The following MALRD1 variants were observed in gnomAD, a reference collection of about 807,000 sequenced individuals.
MALRD1 encodes the protein MAM and LDL receptor class A domain containing 1.
Under a neutral mutation model 242.1 loss-of-function variants are expected in MALRD1, and 247 were observed. The observed-to-expected ratio is 1.02, with a 90% confidence interval of 0.92 to 1.13. MALRD1 has a LOEUF of 1.13. Ranked by LOEUF, MALRD1 falls within the 50% of genes most tolerant of loss-of-function variation. The pLI, the probability that MALRD1 is intolerant of heterozygous loss-of-function variation, is 0.00. For synonymous variants in MALRD1, 995 were observed against 866.6 expected, an observed-to-expected ratio of 1.15 and a Z score of -2.60; for missense variants, 2,989 against 2,533.1, an observed-to-expected ratio of 1.18 and a Z score of -3.86.
At chr10:19,116,195 A>G (rs937519320) in intron 5 of MALRD1, among the ~76,000 whole-genome samples, 11 of 152,216 alleles carry the variant, frequency 7.2e-5, no homozygotes, top group Admixed American at 5.2e-4. Context: ...TGATTCTTGA[A>G]TAACACTGAT....
chr10:19,531,236 AG>A lies in MALRD1; in HGVS notation c.5365del (p.Glu1789LysfsTer28). 6.4e-7 allele frequency: 1 copy of A among 1,550,448 alleles called. No homozygotes were observed. The highest frequency in any genetic ancestry group is 8.7e-7 in the Non-Finnish European group (1 of 1,146,878). ...HFLYVNSSGSKEGSVARITTS... is the reference protein window; with the variant it reads ...HFLYVNSSGSXEGSVARITTS... ...CTGTACGTCAACTCATCTGGCTCCA[AG>A]GAAGGATCCGTTGCCAGAATTACTA... On this transcript the variant is annotated frameshift_variant, in exon 32 of 40. Coordinates refer to ENST00000454679, the MANE Select transcript of MALRD1 (RefSeq NM_001142308.3). LOFTEE classifies it high-confidence loss of function.
intron 32 of MALRD1, among the ~76,000 whole-genome samples, chr10:19,539,912 GCGCACA>G (rs769363567): frequency 2.6e-5 from 3 of 115,564 alleles, no homozygotes; most frequent in African/African-American, 6.8e-5. Flanking sequence ...GCGCGCGTGC[GCGCACA>G]CACGCGCAGT....
intron 19 of MALRD1, among the ~76,000 whole-genome samples, chr10:19,275,211 T>G (rs913481725): frequency 1.3e-5 from 2 of 152,208 alleles, no homozygotes; most frequent in Non-Finnish European, 2.9e-5. Flanking sequence ...TATGAATGTT[T>G]AAAGTTATTC....
chr10:19,442,319 C>T (rs1834711446), intron 28 of MALRD1, among the ~76,000 whole-genome samples: 1 of 152,080 alleles, frequency 6.6e-6, no homozygotes, highest in Non-Finnish European at 1.5e-5. Flanking sequence ...ATTGAATACC[C>T]TTTATTTCTT....
At position 19,314,852 on chromosome 10, in the gene MALRD1, G is replaced by A. The variant is rs183123746; in HGVS notation, c.3420-9097G>A. On this transcript the variant is annotated intron_variant, in intron 21 of 39. Coordinates refer to ENST00000454679, the MANE Select transcript of MALRD1 (RefSeq NM_001142308.3). Reference sequence around the variant, plus strand: ...GACCCCAGTTGTAGACCAGCGCAACGTGAAGTGCCGGTCTCTTGATCGTTA... The same window carrying A: ...GACCCCAGTTGTAGACCAGCGCAACATGAAGTGCCGGTCTCTTGATCGTTA... 3.0e-3 allele frequency among the ~76,000 whole-genome samples: 452 copies of A among 151,222 alleles called. 3 individuals carry two copies. Among genetic ancestry groups the A allele is most frequent in the African/African-American group, 0.01 (414 of 41,364 alleles).
chr10:19,698,694 C>G (rs1833484663), intron 38 of MALRD1, among the ~76,000 whole-genome samples: 2 of 152,070 alleles, frequency 1.3e-5, no homozygotes, highest in African/African-American at 4.8e-5. Flanking sequence ...AAAACAGGTG[C>G]AAAATCTACA....
chr10:19,370,454 T>C (rs1845324613), intron 26 of MALRD1, among the ~76,000 whole-genome samples: 1 of 150,952 alleles, frequency 6.6e-6, no homozygotes, highest in Admixed American at 6.6e-5. Flanking sequence ...AAAAAAATTG[T>C]CTCTACTTTA....
chr10:19,711,811 G>T (rs906076735), intron 38 of MALRD1, among the ~76,000 whole-genome samples: 1 of 152,192 alleles, frequency 6.6e-6, no homozygotes, highest in African/African-American at 2.4e-5. Flanking sequence ...TTTTAATGGG[G>T]TTCTGTAGCC....
chr10:19,521,381 T>C (rs941425751), intron 31 of MALRD1, among the ~76,000 whole-genome samples: 1 of 152,092 alleles, frequency 6.6e-6, no homozygotes, highest in Non-Finnish European at 1.5e-5. Context: ...CAGTTCTCTC[T>C]GATCTTAACC....
intron 14 of MALRD1, among the ~76,000 whole-genome samples, chr10:19,196,814 T>A (rs372443569): frequency 4.6e-5 from 7 of 152,136 alleles, no homozygotes; most frequent in Non-Finnish European, 8.8e-5. Flanking sequence ...GGTTAAAGAC[T>A]TTGAAATCAT....
intron 4 of MALRD1, 83 bp downstream of exon 4, chr10:19,088,268 C>T (rs1300349058): frequency 8.6e-7 from 1 of 1,157,000 alleles, no homozygotes; most frequent in African/African-American, 1.6e-5. Context: ...AAAAGTAAGG[C>T]AACTGTCCCA....
In MALRD1 at chr10:19,607,815, T is replaced by G; in HGVS notation, c.5983T>G (p.Ser1995Ala). The G allele has an allele frequency of 6.5e-7, 1 of 1,549,776 alleles. No individual in the cohort carries two copies. Among genetic ancestry groups the G allele is most frequent in the African/African-American group, 1.4e-5 (1 of 73,054 alleles). The change falls in exon 35 of 40, where the codon TCC becomes GCC. Residue 1995 changes from serine to alanine, a missense_variant. Coordinates refer to ENST00000454679, the MANE Select transcript of MALRD1 (RefSeq NM_001142308.3). ...TTCTAATGGAGCTCTGGTGTGTGCC[T>G]CCTCCAACAGCTGTATCCCAGCCCA... ...SCSNGALVCA[S>A]SNSCIPAHQR...
chr10:19,209,634 G>C lies in MALRD1; in HGVS notation c.2945G>C (p.Arg982Thr), dbSNP rs1836951420. The C allele has an allele frequency of 1.9e-6, 3 of 1,550,930 alleles. No homozygotes were observed. The highest frequency in any genetic ancestry group is 2.6e-6 in the Non-Finnish European group (3 of 1,147,080). Residue 982 changes from arginine to threonine, a missense_variant, in exon 18 of 40, where the codon AGA becomes ACA. Arg to Thr is a moderately conservative substitution (Grantham distance 71, BLOSUM62 -1). Transcript: ENST00000454679. ...CAGATATTTGGGAATCAAGGCAACA[G>C]ATGGATTAGGAAACACCTCAACATT... ...LWQIFGNQGN[R>T]WIRKHLNISS...
chr10:19,642,070 C>T (rs899411369), intron 36 of MALRD1, among the ~76,000 whole-genome samples: 2 of 152,136 alleles, frequency 1.3e-5, no homozygotes, highest in Admixed American at 6.5e-5. Context: ...ACATTACAAA[C>T]TCAACCCCAA....
chr10:19,733,245 C>T (rs1248043942), intron 39 of MALRD1, among the ~76,000 whole-genome samples: 1 of 152,168 alleles, frequency 6.6e-6, no homozygotes, highest in East Asian at 1.9e-4. Context: ...TGCCACGTGC[C>T]CATCAGCCAG....
At position 19,211,526 on chromosome 10, in the gene MALRD1, C is replaced by T. The variant is rs2782323; in HGVS notation, c.2991+1846C>T. On this transcript the variant is annotated intron_variant, in intron 18 of 39. Coordinates refer to ENST00000454679, the MANE Select transcript of MALRD1 (RefSeq NM_001142308.3). Reference sequence around the variant, plus strand: ...TGGGCAACAAGGCAAAACCTCATCTCTACTAAAAATAGAAAACAATTAGCC... The same window carrying T: ...TGGGCAACAAGGCAAAACCTCATCTTTACTAAAAATAGAAAACAATTAGCC... 1.3e-5 allele frequency among the ~76,000 whole-genome samples: 2 copies of T among 151,224 alleles called. 1 individual carries two copies. The highest frequency in any genetic ancestry group is 1.3e-4 in the Admixed American group (2 of 15,156).
At chr10:19,399,501 G>T (rs2130848296) in intron 28 of MALRD1, among the ~76,000 whole-genome samples, 1 of 152,274 alleles carries the variant, frequency 6.6e-6, no homozygotes, top group Admixed American at 6.5e-5. Context: ...TCAGTGGGCT[G>T]ATTGTTCTAA....
intron 14 of MALRD1, among the ~76,000 whole-genome samples, chr10:19,189,287 C>A (rs1282944645): frequency 6.6e-6 from 1 of 152,058 alleles, no homozygotes; most frequent in Non-Finnish European, 1.5e-5. Context: ...AATGGACCTA[C>A]AACTAGCAAA....
rs1265230478 is a variant in MALRD1 at position 19,464,947 on chromosome 10, AATTTTTTTTT to A, written c.5029+14458_5029+14467del. 3.1e-4 allele frequency among the ~76,000 whole-genome samples: 25 copies of A among 81,030 alleles called. No homozygotes were observed. The South Asian group carries it at 0.016, about 53-fold the overall frequency. The allele number at this position is 81,030 out of a possible 152,430, so 53.2% of individuals were successfully genotyped here. Reference sequence around the variant, plus strand: ...CACCTCCTTGGTTAGGTATAATTCCAATTTTTTTTTTTTTTTTTTTTGCAGCTCTTGTAAA... The same window carrying A: ...CACCTCCTTGGTTAGGTATAATTCCATTTTTTTTTTTGCAGCTCTTGTAAA... On this transcript the variant is annotated intron_variant, in intron 29 of 39. Coordinates refer to ENST00000454679, the MANE Select transcript of MALRD1 (RefSeq NM_001142308.3).
Sources: allele counts gnomAD v4.1 joint callset (sites outside exome capture counted in the v4.1 genomes callset), GRCh38; gene constraint gnomAD v4.1.1; transcripts MANE v1.5; gene names NCBI Gene and HGNC (gene_info 2026-07-23, HGNC 2026-07-21).